WDR7: variants seen among roughly 807,000 people sequenced by gnomAD.
WDR7 encodes the protein WD repeat-containing protein 7.
WDR7 carries 46 observed loss-of-function variants against 169.4 expected under a neutral mutation model. The ratio of observed to expected loss-of-function variants is 0.27; its 90% CI spans 0.21 to 0.35. WDR7 has a LOEUF of 0.35. Among genes scored for constraint, WDR7 ranks in the 10% least tolerant of loss-of-function variants. The pLI is 1.00. For synonymous variants in WDR7, 612 were observed against 666.8 expected (o/e 0.92, Z 1.27); for missense variants, 1,534 against 1,859.3 (o/e 0.83, Z 3.22).
At chr18:56,757,643 A>G (rs771303888) in intron 15 of WDR7, among the ~76,000 whole-genome samples, 187 of 152,230 alleles carry the variant, frequency 1.2e-3, no homozygotes, top group Non-Finnish European at 2.2e-3. Context: ...AAAATTGTAT[A>G]CGTACTTGAA....
intron 26 of WDR7, among the ~76,000 whole-genome samples, chr18:56,978,698 G>GT (rs2047600742): frequency 6.6e-6 from 1 of 152,108 alleles, no homozygotes; most frequent in Admixed American, 6.6e-5. Flanking sequence ...ATTTAGCATT[G>GT]TTCTTTCCAA....
chr18:56,718,911 G>C (rs2026253698), intron 13 of WDR7, among the ~76,000 whole-genome samples: 1 of 152,072 alleles, frequency 6.6e-6, no homozygotes, highest in African/African-American at 2.4e-5. Context: ...TTTGAAATCA[G>C]ACTATATACA....
At chr18:56,790,618 C>T (rs537570527) in intron 19 of WDR7, among the ~76,000 whole-genome samples, 7 of 151,992 alleles carry the variant, frequency 4.6e-5, no homozygotes, top group African/African-American at 1.7e-4. Context: ...AAATATCTTG[C>T]TTAATCCATT....
chr18:56,738,393 C>A (rs1178517568), intron 14 of WDR7, among the ~76,000 whole-genome samples: 3 of 152,142 alleles, frequency 2.0e-5, no homozygotes, highest in South Asian at 2.1e-4. Flanking sequence ...ATGGTGAAAC[C>A]CTGCCTCTAC....
At chr18:56,849,180 A>G (rs1423851267) in intron 20 of WDR7, among the ~76,000 whole-genome samples, 1 of 152,060 alleles carries the variant, frequency 6.6e-6, no homozygotes, top group African/African-American at 2.4e-5. Context: ...ACCTTGTGTA[A>G]TCTGGTCTTC....
In WDR7 at chr18:57,028,566, T is replaced by G. The variant is rs1345116803; in HGVS notation, c.*1359T>G. On this transcript the variant is annotated 3_prime_UTR_variant, in exon 28 of 28. Transcript: ENST00000254442. Reference sequence around the variant, plus strand: ...CATGCAAAAATAGAAAATTATTTGTTAAATTCAGAGAAAATATGTGAAGTT... The same window carrying G: ...CATGCAAAAATAGAAAATTATTTGTGAAATTCAGAGAAAATATGTGAAGTT... 1.3e-5 allele frequency: 2 copies of G among 152,224 alleles called. No individual in the cohort carries two copies. The highest frequency in any genetic ancestry group is 2.9e-5 in the Non-Finnish European group (2 of 68,038). The allele number at this position is 152,224 out of a possible 1,614,324, so 9.4% of individuals were successfully genotyped here.
At chr18:56,999,837 A>AC (rs1455751963) in intron 26 of WDR7, among the ~76,000 whole-genome samples, 1 of 150,684 alleles carries the variant, frequency 6.6e-6, no homozygotes, top group Non-Finnish European at 1.5e-5. Flanking sequence ...CTGCTAGAAA[A>AC]CCCCCCTAGA....
chr18:57,022,929 C>A (rs190464646), intron 27 of WDR7, among the ~76,000 whole-genome samples: 20 of 152,342 alleles, frequency 1.3e-4, no homozygotes, highest in Non-Finnish European at 2.6e-4. Context: ...AGTACATGTC[C>A]TTAATCCACA....
chr18:56,695,131 A>T lies in WDR7; in HGVS notation c.1290A>T (p.Ile430=). ...TTTGTGGTCGTGAAGATGGAAGCAT[A>T]GTTATTGTACCTGCCACACAGACGG... ...RLVCGREDGS[I]VIVPATQTAI... is the part of the protein sequence containing the mutation. The change falls in exon 11 of 28, where the codon ATA becomes ATT. Residue 430 remains isoleucine, a synonymous_variant. Transcript: ENST00000254442. 6.2e-7 allele frequency: 1 copy of T among 1,614,172 alleles called. No individual in the cohort carries two copies. The highest frequency in any genetic ancestry group is 8.5e-7 in the Non-Finnish European group (1 of 1,180,026).
intron 19 of WDR7, among the ~76,000 whole-genome samples, chr18:56,804,410 G>A (rs1422192617): frequency 1.3e-5 from 2 of 152,242 alleles, no homozygotes; most frequent in East Asian, 1.9e-4. Context: ...TTAAAATATA[G>A]TTTCTACGTT....
intron 20 of WDR7, among the ~76,000 whole-genome samples, chr18:56,847,777 A>C (rs1253809526): frequency 6.6e-6 from 1 of 152,192 alleles, no homozygotes; most frequent in Non-Finnish European, 1.5e-5. Context: ...CAGAGGGCGA[A>C]AGCTATAAGC....
In WDR7 at chr18:56,886,899, A is replaced by G. The variant is rs182062303; in HGVS notation, c.3526+6734A>G. On this transcript the variant is annotated intron_variant, in intron 21 of 27. Transcript: ENST00000254442. Reference sequence around the variant, plus strand: ...CAAAGAGGGACATTATCTAATGATAAAAGGACTTGCCCAACAGGAAAATAT... The same window carrying G: ...CAAAGAGGGACATTATCTAATGATAGAAGGACTTGCCCAACAGGAAAATAT... Among the ~76,000 whole-genome samples, 203 of 152,342 alleles carry G rather than the reference A, an allele frequency of 1.3e-3. 1 individual carries two copies. The highest frequency in any genetic ancestry group is 2.6e-3 in the Non-Finnish European group (174 of 68,022).
intron 26 of WDR7, among the ~76,000 whole-genome samples, chr18:57,002,312 A>G (rs931904240): frequency 6.6e-6 from 1 of 152,208 alleles, no homozygotes; most frequent in Non-Finnish European, 1.5e-5. Context: ...TGATATGAAC[A>G]TACATATAGT....
intron 27 of WDR7, among the ~76,000 whole-genome samples, chr18:57,021,619 T>C (rs2048293621): frequency 6.6e-6 from 1 of 152,232 alleles, no homozygotes; most frequent in South Asian, 2.1e-4. Context: ...TTTGAGCAAC[T>C]AATTTTGGCA....
Position 56,717,953 on chromosome 18 carries a change from C to T in WDR7, c.1579-11C>T, listed in dbSNP as rs2026229048. The T allele has an allele frequency of 1.3e-6, 2 of 1,568,158 alleles. No homozygotes were observed. The highest frequency in any genetic ancestry group is 1.9e-5 in the Admixed American group (1 of 51,526). On this transcript the variant is annotated splice_polypyrimidine_tract_variant and intron_variant, in intron 12 of 27. Coordinates refer to ENST00000254442, the MANE Select transcript of WDR7 (RefSeq NM_015285.3). Reference sequence around the variant, plus strand: ...AATTTAAACACAATTAAGGTTTATTCTTCTTTTCAGGCAAGAGTACAGCAC... The same window carrying T: ...AATTTAAACACAATTAAGGTTTATTTTTCTTTTCAGGCAAGAGTACAGCAC...
chr18:56,993,567 G>A lies in WDR7; in HGVS notation c.4165-27178G>A, dbSNP rs570312919. ...TTGAATTTGTATCAAAAGAAATGCA[G>A]AAATGTATCTAATTTCCCTCCATCT... On this transcript the variant is annotated intron_variant, in intron 26 of 27. Transcript: ENST00000254442. Among the ~76,000 whole-genome samples, 3 of 152,306 alleles carry A rather than the reference G, an allele frequency of 2.0e-5. No individual in the cohort carries two copies. In the South Asian group the frequency reaches 6.2e-4, roughly 32 times the overall value.
At chr18:56,706,966 C>T (rs1201793287) in intron 12 of WDR7, among the ~76,000 whole-genome samples, 1 of 135,556 alleles carries the variant, frequency 7.4e-6, no homozygotes, top group Non-Finnish European at 1.6e-5. Flanking sequence ...AGACATGAGC[C>T]ACTGTGCCCC....
intron 16 of WDR7, among the ~76,000 whole-genome samples, chr18:56,765,397 AT>A (rs1225481797): frequency 6.6e-6 from 1 of 151,698 alleles, no homozygotes; most frequent in Non-Finnish European, 1.5e-5. Flanking sequence ...TTATAAGCTA[AT>A]TTTTATTATT....
In WDR7 at chr18:57,029,573, T is replaced by C. The variant is rs1180592577; in HGVS notation, c.*2366T>C. On this transcript the variant is annotated 3_prime_UTR_variant, in exon 28 of 28. Transcript: ENST00000254442. ...GGCACTGTATTTGGACCTGTCCTTG[T>C]ATATGTAGAGACATATGTGGCTTCA... is the stretch of plus-strand genomic sequence containing the variant. The C allele has an allele frequency of 6.6e-6, 1 of 152,062 alleles. No homozygotes were observed. Among genetic ancestry groups the C allele is most frequent in the Non-Finnish European group, 1.5e-5 (1 of 68,010 alleles). 9.4% of individuals were successfully genotyped at this position (152,062 alleles called of 1,614,324 possible). A position where few individuals can be genotyped will look rare whatever the true frequency, so the allele number is the denominator to read the frequency against.
Sources: gnomAD v4.1 joint callset for allele counts (sites outside exome capture counted in the v4.1 genomes callset) on GRCh38, gnomAD v4.1.1 for gene constraint, MANE v1.5 for transcripts, NCBI Gene and HGNC (gene_info 2026-07-23, HGNC 2026-07-21) for gene names.